Variants in NSMCE1 observed in about 807,000 individuals in gnomAD.
NSMCE1 encodes the protein NSE1 component of SMC5/6 complex.
A neutral mutation model predicts 29.6 loss-of-function variants in NSMCE1; 18 were observed. The observed-to-expected ratio is 0.61, with a 90% confidence interval of 0.42 to 0.90. The LOEUF (loss-of-function observed/expected upper bound fraction) is 0.90. NSMCE1 is among the 40% of genes least tolerant of loss of function. The pLI is 0.00. For missense variants in NSMCE1, 314 were observed against 343.6 expected, an observed-to-expected ratio of 0.91 and a Z score of 0.68; for synonymous variants, 124 against 133.4, an observed-to-expected ratio of 0.93 and a Z score of 0.49.
At chr16:27,245,549 C>T (rs894791288) in intron 2 of NSMCE1, among the ~76,000 whole-genome samples, 3 of 152,192 alleles carry the variant, frequency 2.0e-5, no homozygotes, top group Admixed American at 6.5e-5. Flanking sequence ...ACATGAAGAA[C>T]GGGCAGGACT....
chr16:27,253,835 A>C (rs1022558579), intron 2 of NSMCE1, among the ~76,000 whole-genome samples: 2 of 152,240 alleles, frequency 1.3e-5, no homozygotes, highest in African/African-American at 4.8e-5. Context: ...CTAAGAACAC[A>C]GGTCCCTAGC....
intron 1 of NSMCE1, among the ~76,000 whole-genome samples, chr16:27,261,609 T>C (rs1330794524): frequency 1.3e-5 from 2 of 152,186 alleles, no homozygotes; most frequent in African/African-American, 4.8e-5. Flanking sequence ...CAGGTCCCAA[T>C]GACTTTATCA....
intron 2 of NSMCE1, among the ~76,000 whole-genome samples, chr16:27,245,095 G>A (rs1302195713): frequency 1.3e-5 from 2 of 152,224 alleles, no homozygotes; most frequent in African/African-American, 4.8e-5. Flanking sequence ...AAGGAAGGAA[G>A]AGGCAGTGGT....
chr16:27,234,092 T>C, intron 4 of NSMCE1, 96 bp downstream of exon 4: 2 of 804,008 alleles, frequency 2.5e-6, no homozygotes, highest in Non-Finnish European at 4.4e-6. Flanking sequence ...GTCCCCCCAG[T>C]GATCCTTGAA....
chr16:27,230,979 A>C (rs946678925), intron 5 of NSMCE1: 3 of 152,448 alleles, frequency 2.0e-5, no homozygotes, highest in Non-Finnish European at 4.4e-5. Flanking sequence ...CAAACCATAA[A>C]GCTGGGGGCA....
chr16:27,241,896 C>G (rs1266493043), intron 2 of NSMCE1: 1 of 450,750 alleles, frequency 2.2e-6, no homozygotes, highest in Non-Finnish European at 4.5e-6. Context: ...ATACCTAAGA[C>G]GGGACAGGAA....
At chr16:27,258,651 C>T (rs1385909661) in intron 1 of NSMCE1, among the ~76,000 whole-genome samples, 1 of 152,180 alleles carries the variant, frequency 6.6e-6, no homozygotes, top group East Asian at 1.9e-4. Flanking sequence ...ACCTTAAAGA[C>T]ATAGAGGAAG....
Position 27,225,034 on chromosome 16 carries a change from C to A in NSMCE1, c.*123G>T. On this transcript the variant is annotated 3_prime_UTR_variant, in exon 8 of 8. Coordinates refer to ENST00000361439, the MANE Select transcript of NSMCE1 (RefSeq NM_145080.4). ...GGATGGTTTATTCCAAAGCTGTGGACGGTGAACATTAAGACGAAAGAGGTG... is the reference window on the plus strand; with the variant it reads ...GGATGGTTTATTCCAAAGCTGTGGAAGGTGAACATTAAGACGAAAGAGGTG... 1 of 649,634 alleles carries A rather than the reference C, an allele frequency of 1.5e-6. No homozygotes were observed. 40.2% of individuals were successfully genotyped at this position (649,634 alleles called of 1,614,324 possible).
rs1305745524 is a variant in NSMCE1, at chr16:27,235,217, T to A, written c.219A>T (p.Arg73Ser). The change falls in exon 3 of 8, where the codon AGA (arginine) becomes AGT (serine). Residue 73 changes from arginine to serine, a missense_variant. Transcript: ENST00000361439. Reference protein sequence around the residue: ...VLESLYIEIKRGVTEDDGRPI... With the variant: ...VLESLYIEIKSGVTEDDGRPI... ...GTCTCCCATCATCTTCCGTGACTCC[T>A]CTCTTTATCTCAATATACAAGGACT... The A allele has an allele frequency of 6.2e-7, 1 of 1,613,774 alleles. No homozygotes were observed. The highest frequency in any genetic ancestry group is 2.2e-5 in the East Asian group (1 of 44,872).
chr16:27,259,014 T>C (rs1757782795), intron 1 of NSMCE1, among the ~76,000 whole-genome samples: 1 of 152,136 alleles, frequency 6.6e-6, no homozygotes, highest in Admixed American at 6.6e-5. Context: ...CCTCCCAAAG[T>C]GGTGGGATTA....
chr16:27,254,866 CTTTTTTTTTTTTTT>C (rs61088115), intron 2 of NSMCE1, among the ~76,000 whole-genome samples: 3 of 46,912 alleles, frequency 6.4e-5, no homozygotes, highest in Non-Finnish European at 1.1e-4. Flanking sequence ...TCCAACCATG[CTTTTTTTTTTTTTT>C]TTTTTTTTTT....
intron 2 of NSMCE1, among the ~76,000 whole-genome samples, chr16:27,245,121 G>A (rs1458206623): frequency 6.6e-6 from 1 of 152,212 alleles, no homozygotes; most frequent in Admixed American, 6.5e-5. Context: ...TGAAGTGAAC[G>A]TGTGCCCACA....
chr16:27,225,243 A>T lies in NSMCE1; in HGVS notation c.722-7T>A, dbSNP rs769074183. 2.7e-5 allele frequency: 43 copies of T among 1,580,812 alleles called. No individual in the cohort carries two copies. The highest frequency in any genetic ancestry group is 3.6e-5 in the Non-Finnish European group (42 of 1,154,356). ...TTCTCAGGGTCGAAGACTTCTGTAG[A>T]CAGAAAAGGCAGGAAAGACACAGTG... On this transcript the variant is annotated splice_region_variant and splice_polypyrimidine_tract_variant and intron_variant, in intron 7 of 7. Transcript: ENST00000361439.
At chr16:27,253,799 GT>G (rs1468038986) in intron 2 of NSMCE1, among the ~76,000 whole-genome samples, 1 of 152,238 alleles carries the variant, frequency 6.6e-6, no homozygotes, top group Non-Finnish European at 1.5e-5. Flanking sequence ...GTGGATGCAA[GT>G]CCTGGCTCAA....
intron 1 of NSMCE1, among the ~76,000 whole-genome samples, chr16:27,258,785 C>G (rs912849702): frequency 3.3e-5 from 5 of 151,786 alleles, no homozygotes; most frequent in Non-Finnish European, 7.4e-5. Context: ...GAGTCTCACT[C>G]TGTTGCCCAG....
chr16:27,251,184 AT>A (rs773920882), intron 2 of NSMCE1, among the ~76,000 whole-genome samples: 23,177 of 103,396 alleles, frequency 0.22, 3,049 homozygotes, highest in East Asian at 0.49. Context: ...ATATATATAT[AT>A]ATATAAATAT....
chr16:27,265,480 T>C (rs554741553), intron 1 of NSMCE1, among the ~76,000 whole-genome samples: 1 of 152,178 alleles, frequency 6.6e-6, no homozygotes, highest in Admixed American at 6.5e-5. Context: ...GTATAAATTA[T>C]TGTAACCATT....
intron 2 of NSMCE1, among the ~76,000 whole-genome samples, chr16:27,242,317 G>A (rs985541022): frequency 1.3e-5 from 2 of 152,206 alleles, no homozygotes; most frequent in African/African-American, 2.4e-5. Flanking sequence ...TTTTAATAAC[G>A]TATGGTTTTA....
At chr16:27,237,754 C>T (rs1026713801) in intron 2 of NSMCE1, among the ~76,000 whole-genome samples, 13 of 152,218 alleles carry the variant, frequency 8.5e-5, no homozygotes, top group Admixed American at 6.5e-4. Flanking sequence ...CCAGACACCC[C>T]GTTGCAGGGA....
Sources: gnomAD v4.1 joint callset for allele counts (sites outside exome capture counted in the v4.1 genomes callset) on GRCh38, gnomAD v4.1.1 for gene constraint, MANE v1.5 for transcripts, NCBI Gene and HGNC (gene_info 2026-07-23, HGNC 2026-07-21) for gene names.